Variants in PARD3 observed in about 807,000 individuals in gnomAD.
PARD3 encodes partitioning defective 3 homolog.
A neutral mutation model predicts 155.4 loss-of-function variants in PARD3; 75 were observed. That is an observed-to-expected ratio of 0.48 (90% confidence interval 0.40 to 0.58). The LOEUF is 0.58. Among genes scored for constraint, PARD3 ranks in the 20% least tolerant of loss-of-function variants. The pLI is 0.00. For synonymous variants in PARD3, 576 were observed against 610.5 expected, an observed-to-expected ratio of 0.94 and a Z score of 0.83; for missense variants, 1,642 against 1,721.7, an observed-to-expected ratio of 0.95 and a Z score of 0.82.
intron 3 of PARD3, among the ~76,000 whole-genome samples, chr10:34,480,850 G>A (rs1457101379): frequency 7.3e-6 from 1 of 136,576 alleles, no homozygotes; most frequent in Non-Finnish European, 1.5e-5. Flanking sequence ...TCACCAGCCT[G>A]GAGTGCAGTG....
chr10:34,580,022 T>G (rs964502015), intron 2 of PARD3, among the ~76,000 whole-genome samples: 7 of 152,048 alleles, frequency 4.6e-5, no homozygotes, highest in Non-Finnish European at 1.0e-4. Context: ...CAAGCAATTC[T>G]CCTGTCTCAG....
chr10:34,191,006 G>A (rs1950683034), intron 22 of PARD3, among the ~76,000 whole-genome samples: 1 of 151,938 alleles, frequency 6.6e-6, no homozygotes, highest in Admixed American at 6.6e-5. Flanking sequence ...CTTAAGACAG[G>A]AAAAAACTTA....
Position 34,259,898 on chromosome 10 carries a change from T to C in PARD3, c.3419+9759A>G, listed in dbSNP as rs640155. ...TTCTGTTGCCTAGGCTGGAGAACAT[T>C]GGTACAACAACCATAGCTCACTGAA... On this transcript the variant is annotated intron_variant, in intron 22 of 24. Coordinates refer to ENST00000374788, the MANE Select transcript of PARD3 (RefSeq NM_001184785.2). Among the ~76,000 whole-genome samples the C allele has an allele frequency of 3.0e-3, 451 of 152,274 alleles. 2 individuals carry two copies. The highest frequency in any genetic ancestry group is 0.01 in the African/African-American group (433 of 41,548).
chr10:34,153,971 G>A (rs1027218364), intron 22 of PARD3, among the ~76,000 whole-genome samples: 6 of 152,146 alleles, frequency 3.9e-5, no homozygotes, highest in African/African-American at 1.4e-4. Flanking sequence ...TTTTAGAATT[G>A]GGAAGTGAGT....
intron 22 of PARD3, among the ~76,000 whole-genome samples, chr10:34,259,861 C>T (rs966831591): frequency 5.9e-5 from 9 of 152,098 alleles, no homozygotes; most frequent in Admixed American, 2.6e-4. Context: ...CAGGTTGGAG[C>T]GCAGGGTCTC....
chr10:34,694,584 C>T (rs924783490), intron 2 of PARD3, among the ~76,000 whole-genome samples: 1 of 150,902 alleles, frequency 6.6e-6, no homozygotes, highest in Non-Finnish European at 1.5e-5. Flanking sequence ...CATTCTCCTG[C>T]CTCAGCCTCC....
intron 22 of PARD3, among the ~76,000 whole-genome samples, chr10:34,213,581 C>T (rs917803792): frequency 2.0e-5 from 3 of 152,200 alleles, no homozygotes; most frequent in South Asian, 2.1e-4. Context: ...TTAATGATTA[C>T]ATAAATGTTT....
chr10:34,533,713 G>A (rs2083016579), intron 2 of PARD3, among the ~76,000 whole-genome samples: 1 of 151,898 alleles, frequency 6.6e-6, no homozygotes, highest in African/African-American at 2.4e-5. Flanking sequence ...GAGGCTGAGA[G>A]AAGAATCGCT....
intron 1 of PARD3, among the ~76,000 whole-genome samples, chr10:34,790,967 T>TG (rs1841549752): frequency 6.6e-6 from 1 of 152,092 alleles, no homozygotes; most frequent in Admixed American, 6.5e-5. Flanking sequence ...GGCACGCACA[T>TG]GGGCTCACAC....
At chr10:34,407,548 T>A (rs1844620927) in intron 5 of PARD3, among the ~76,000 whole-genome samples, 1 of 152,208 alleles carries the variant, frequency 6.6e-6, no homozygotes, top group South Asian at 2.1e-4. Context: ...TTATAGTTTT[T>A]CAAGTCTCAA....
intron 3 of PARD3, among the ~76,000 whole-genome samples, chr10:34,474,559 C>T (rs75470659): frequency 0.025 from 3,786 of 152,228 alleles, 160 homozygotes; most frequent in African/African-American, 0.087. Context: ...ACCACTTAAA[C>T]GGAGGGATCT....
At chr10:34,328,228 C>T (rs1220805047) in intron 19 of PARD3, among the ~76,000 whole-genome samples, 1 of 152,042 alleles carries the variant, frequency 6.6e-6, no homozygotes, top group African/African-American at 2.4e-5. Context: ...TGTGGGATAC[C>T]TCACTCACCC....
chr10:34,558,163 T>TAA (rs891588918), intron 2 of PARD3, among the ~76,000 whole-genome samples: 1 of 145,748 alleles, frequency 6.9e-6, no homozygotes, highest in African/African-American at 2.5e-5. Flanking sequence ...ATCTTTTTGC[T>TAA]AAAAAAAAAA....
At chr10:34,433,999 T>C (rs905098593) in intron 5 of PARD3, among the ~76,000 whole-genome samples, 2 of 152,088 alleles carry the variant, frequency 1.3e-5, no homozygotes, top group East Asian at 3.9e-4. Flanking sequence ...ATTTGGAAAG[T>C]GCAAGGATGG....
rs1240714522 is a variant in PARD3, at chr10:34,471,677, C to T, written c.404-1414G>A. Among the ~76,000 whole-genome samples the T allele has an allele frequency of 4.6e-5, 7 of 152,234 alleles. No homozygotes were observed. The East Asian group carries it at 1.4e-3, about 29-fold the overall frequency. Reference sequence around the variant, plus strand: ...TCAAGTGATTCACCTGCCTCAGCCTCCCGAGTAGCTACAGGCTACTACAAG... The same window carrying T: ...TCAAGTGATTCACCTGCCTCAGCCTTCCGAGTAGCTACAGGCTACTACAAG... On this transcript the variant is annotated intron_variant, in intron 3 of 24. Coordinates refer to ENST00000374788, the MANE Select transcript of PARD3 (RefSeq NM_001184785.2).
At chr10:34,115,712 C>CTT (rs1029767685) in intron 24 of PARD3, among the ~76,000 whole-genome samples, 2 of 141,534 alleles carry the variant, frequency 1.4e-5, no homozygotes, top group East Asian at 4.0e-4. Context: ...TAATTTTTTT[C>CTT]TTTTTTTTTT....
At chr10:34,281,565 C>T (rs1956161031) in intron 21 of PARD3, among the ~76,000 whole-genome samples, 1 of 152,054 alleles carries the variant, frequency 6.6e-6, no homozygotes, top group Admixed American at 6.6e-5. Flanking sequence ...CCCAACCTCA[C>T]AGTGTTGGTA....
intron 3 of PARD3, among the ~76,000 whole-genome samples, chr10:34,488,127 G>A (rs1160651811): frequency 6.6e-6 from 1 of 152,018 alleles, no homozygotes; most frequent in Non-Finnish European, 1.5e-5. Flanking sequence ...ATGTGCGTTT[G>A]AAGCTCCTGC....
intron 2 of PARD3, among the ~76,000 whole-genome samples, chr10:34,628,093 C>T (rs2092073941): frequency 6.6e-6 from 1 of 152,236 alleles, no homozygotes; most frequent in African/African-American, 2.4e-5. Context: ...ACAATAAATG[C>T]AGGATGTTCA....
Sources: gnomAD v4.1 joint callset for allele counts (sites outside exome capture counted in the v4.1 genomes callset) on GRCh38, gnomAD v4.1.1 for gene constraint, MANE v1.5 for transcripts, NCBI Gene and HGNC (gene_info 2026-07-23, HGNC 2026-07-21) for gene names.